IFT122: variants seen among roughly 807,000 people sequenced by gnomAD.
The protein encoded by IFT122 is intraflagellar transport 122.
In IFT122, 118 loss-of-function variants were observed where a neutral mutation model predicts 161.6. The ratio of observed to expected loss-of-function variants is 0.73; its 90% CI spans 0.63 to 0.85. The LOEUF (loss-of-function observed/expected upper bound fraction) is 0.85, where lower values mean the gene tolerates loss of function less well. Ranked by LOEUF, IFT122 falls within the 40% of genes least tolerant of loss-of-function variation. IFT122 has a pLI of 0.00. For missense variants in IFT122, 1,381 were observed against 1,579.6 expected, an observed-to-expected ratio of 0.87 and a Z score of 2.13; for synonymous variants, 550 against 602.4, an observed-to-expected ratio of 0.91 and a Z score of 1.27.
chr3:129,482,609 C>T (rs1015251490), intron 14 of IFT122, among the ~76,000 whole-genome samples: 18 of 152,272 alleles, frequency 1.2e-4, no homozygotes, highest in Admixed American at 1.2e-3. Context: ...CCAGAGGTAA[C>T]TCCATGTCAG....
At chr3:129,506,665 T>C (rs1468635167) in intron 22 of IFT122, 116 bp downstream of exon 22, 1 of 1,426,252 alleles carries the variant, frequency 7.0e-7, no homozygotes, top group African/African-American at 1.4e-5. Context: ...TTGGGTGTAT[T>C]GTCCATAAGC....
chr3:129,453,143 C>T (rs2075053372), intron 3 of IFT122, among the ~76,000 whole-genome samples: 1 of 152,038 alleles, frequency 6.6e-6, no homozygotes, highest in Non-Finnish European at 1.5e-5. Context: ...ACTGCTGGAA[C>T]AGAGTTGTTG....
At chr3:129,459,632 CCTT>C (rs2075966810) in intron 4 of IFT122, among the ~76,000 whole-genome samples, 1 of 142,826 alleles carries the variant, frequency 7.0e-6, no homozygotes, top group African/African-American at 2.7e-5. Flanking sequence ...TTCCTTCCTT[CCTT>C]CCCTCCCTCC....
intron 18 of IFT122, 135 bp downstream of exon 18, chr3:129,495,742 T>C (rs2080760777): frequency 1.8e-6 from 2 of 1,097,532 alleles, no homozygotes. Context: ...GTGGGGAAAC[T>C]GGTAAACAAA....
intron 11 of IFT122, 138 bp downstream of exon 11, chr3:129,476,939 TG>T (rs2108281420): frequency 2.4e-5 from 23 of 965,938 alleles, no homozygotes; most frequent in Admixed American, 4.9e-5. Context: ...GTCTGTGTCT[TG>T]TTTTCTTTTT....
chr3:129,469,109 G>A (rs1270211719), intron 8 of IFT122, among the ~76,000 whole-genome samples: 3 of 152,220 alleles, frequency 2.0e-5, no homozygotes, highest in African/African-American at 7.2e-5. Context: ...TAAGGTCATA[G>A]CAGGGGACTC....
In IFT122 at chr3:129,479,795, T is replaced by A; in HGVS notation, c.1361T>A (p.Leu454Gln). 6.2e-7 allele frequency: 1 copy of A among 1,614,046 alleles called. No homozygotes were observed. The highest frequency in any genetic ancestry group is 8.5e-7 in the Non-Finnish European group (1 of 1,180,032). Residue 454 changes from leucine (L) to glutamine (Q), a missense_variant, in exon 13 of 30, where the codon CTG becomes CAG. Physicochemically the swap from Leu to Gln is moderately radical, Grantham distance 113 (BLOSUM62 -2). This residue lies in a region of IFT122 where 544 missense variants were observed against 648.0 expected (regional missense o/e 0.84). Transcript: ENST00000348417. ...GGGTTTGCTTCCTAGGAGAAACGGC[T>A]GCAGTGCCTGTCCTTCAGCGGAGTG... ...NHIILCQEKRLQCLSFSGVKE... is the reference protein window; with the variant it reads ...NHIILCQEKRQQCLSFSGVKE...
intron 25 of IFT122, 113 bp from the exon 26 acceptor site, chr3:129,515,375 C>G: frequency 1.2e-6 from 1 of 860,928 alleles, no homozygotes; most frequent in Non-Finnish European, 1.9e-6. Flanking sequence ...TGCCTGCCCA[C>G]CCGGGTGGCC....
chr3:129,476,761 G>T lies in IFT122; in HGVS notation c.1107G>T (p.Met369Ile). 6.2e-7 allele frequency: 1 copy of T among 1,614,180 alleles called. No homozygotes were observed. Among genetic ancestry groups the T allele is most frequent in the South Asian group, 1.1e-5 (1 of 91,064 alleles). The change falls in exon 11 of 30, where the codon ATG becomes ATT. Residue 369 changes from methionine (M) to isoleucine (I), a missense_variant. Around this residue, in one of 7 missense-constraint regions of IFT122, gnomAD observed 544 missense variants for 648.0 expected, o/e 0.84. Transcript: ENST00000348417. ...ACCGCTATGCCTACAGGGATAGCAT[G>T]ACTGACGTCATTGTGCAGCACCTGA... is the stretch of plus-strand genomic sequence containing the variant. ...YKDRYAYRDS[M>I]TDVIVQHLIT...
intron 15 of IFT122, chr3:129,484,034 T>G: frequency 1.0e-5 from 4 of 385,218 alleles, no homozygotes; most frequent in South Asian, 8.5e-5. Context: ...GGTGTGTGTG[T>G]GAGTACGTGT....
chr3:129,466,361 GATT>G (rs1225525404), intron 7 of IFT122, among the ~76,000 whole-genome samples: 1 of 152,096 alleles, frequency 6.6e-6, no homozygotes, highest in Non-Finnish European at 1.5e-5. Context: ...CCTGCTGTTT[GATT>G]TGTGGCTGCA....
rs550277025 is a variant in IFT122, at chr3:129,506,486, A to G, written c.2728A>G (p.Arg910Gly). ...QLTNNAVAES[R>G]FNDAAYYYWM... ...CACAAACAATGCCGTGGCGGAGAGCAGGTTTAATGATGCTGCCTATTATTA... is the reference window on the plus strand; with the variant it reads ...CACAAACAATGCCGTGGCGGAGAGCGGGTTTAATGATGCTGCCTATTATTA... Residue 910 changes from arginine (R) to glycine (G), a missense_variant, in exon 22 of 30, where the codon AGG (arginine) becomes GGG (glycine). Transcript: ENST00000348417. The G allele has an allele frequency of 2.5e-6, 4 of 1,614,266 alleles. No homozygotes were observed. In the South Asian group the frequency reaches 4.4e-5, roughly 18 times the overall value.
intron 13 of IFT122, among the ~76,000 whole-genome samples, chr3:129,481,029 C>T (rs1453829227): frequency 1.3e-5 from 2 of 152,020 alleles, no homozygotes; most frequent in African/African-American, 4.8e-5. Context: ...ATAGCCACTG[C>T]GATCAGCCTG....
chr3:129,470,664 G>A (rs1430609399), intron 9 of IFT122, among the ~76,000 whole-genome samples: 1 of 151,896 alleles, frequency 6.6e-6, no homozygotes, highest in African/African-American at 2.4e-5. Flanking sequence ...TCTGCCTCAC[G>A]GGTTCAAGAG....
chr3:129,454,898 A>G (rs2075292146), intron 3 of IFT122, among the ~76,000 whole-genome samples: 1 of 151,950 alleles, frequency 6.6e-6, no homozygotes, highest in Non-Finnish European at 1.5e-5. Context: ...CAGCAAGGGG[A>G]CTCTTATCTC....
In IFT122 at chr3:129,519,095, A is replaced by G. The variant is rs763749806; in HGVS notation, c.3392-12A>G. 2 of 1,612,688 alleles carry G rather than the reference A, an allele frequency of 1.2e-6. No homozygotes were observed. Among genetic ancestry groups the G allele is most frequent in the Non-Finnish European group, 1.7e-6 (2 of 1,178,730 alleles). ...TCTGCTTCTGATTCCATCCTTGACC[A>G]GATCCCTCCAGGCTCCCAGATTCTG... is the stretch of plus-strand genomic sequence containing the variant. On this transcript the variant is annotated splice_polypyrimidine_tract_variant and intron_variant, in intron 27 of 29. Coordinates refer to ENST00000348417, the MANE Select transcript of IFT122 (RefSeq NM_052989.3).
chr3:129,513,493 T>G (rs1380992047), intron 24 of IFT122: 1 of 152,524 alleles, frequency 6.6e-6, no homozygotes, highest in Non-Finnish European at 1.5e-5. Flanking sequence ...CTCTGCTGCA[T>G]GCGTCTCCGT....
Position 129,464,649 on chromosome 3 carries a change from G to T in IFT122, c.431G>T (p.Gly144Val). The T allele has an allele frequency of 6.2e-7, 1 of 1,613,824 alleles. No homozygotes were observed. Among genetic ancestry groups the T allele is most frequent in the Non-Finnish European group, 8.5e-7 (1 of 1,179,878 alleles). Reference protein sequence around the residue: ...KIICCSWTNDGQYLALGMFNG... With the variant: ...KIICCSWTNDVQYLALGMFNG... ...TGTGTACACAGCTGGACAAATGATG[G>T]TCAGTACCTGGCGCTGGGGATGTTC... The change falls in exon 7 of 30, where the codon GGT becomes GTT. Residue 144 changes from glycine (G) to valine (V), a missense_variant. Coordinates refer to ENST00000348417, the MANE Select transcript of IFT122 (RefSeq NM_052989.3).
intron 14 of IFT122, among the ~76,000 whole-genome samples, chr3:129,482,418 C>A (rs563093728): frequency 6.6e-6 from 1 of 152,166 alleles, no homozygotes; most frequent in African/African-American, 2.4e-5. Context: ...GAAGTTCCCC[C>A]CAAAGCTGGA....
Sources: gnomAD v4.1 joint callset for allele counts (sites outside exome capture counted in the v4.1 genomes callset) on GRCh38, gnomAD v4.1.1 for gene constraint, gnomAD v4.1.1 regional missense constraint, MANE v1.5 for transcripts, NCBI Gene and HGNC (gene_info 2026-07-23, HGNC 2026-07-21) for gene names.